GSG1L: variants seen among roughly 807,000 people sequenced by gnomAD.
The protein encoded by GSG1L is GSG1 like.
In GSG1L, 24 loss-of-function variants were observed where a neutral mutation model predicts 42.1. That is an observed-to-expected ratio of 0.57 (90% confidence interval 0.41 to 0.80). The LOEUF is 0.80. Ranked by LOEUF, GSG1L falls within the 30% of genes least tolerant of loss-of-function variation. The pLI is 0.00. For missense variants in GSG1L, 445 were observed against 472.2 expected (o/e 0.94, Z 0.53); for synonymous variants, 215 against 203.5 (o/e 1.06, Z -0.48).
intron 1 of GSG1L, among the ~76,000 whole-genome samples, chr16:28,013,096 T>C (rs140288628): frequency 2.6e-5 from 4 of 151,612 alleles, no homozygotes; most frequent in African/African-American, 9.7e-5. Flanking sequence ...TGGTGGCATA[T>C]GCCTGTAATC....
intron 1 of GSG1L, among the ~76,000 whole-genome samples, chr16:28,048,504 T>G (rs1260109965): frequency 6.6e-6 from 1 of 152,168 alleles, no homozygotes; most frequent in Non-Finnish European, 1.5e-5. Context: ...TCAAGTGATC[T>G]TCCCACCTCA....
chr16:27,982,756 TGAGAGCAGGAGCAA>T, intron 1 of GSG1L, among the ~76,000 whole-genome samples: 1 of 152,088 alleles, frequency 6.6e-6, no homozygotes, highest in East Asian at 1.9e-4. Context: ...TATCACATGG[TGAGAGCAGGAGCAA>T]GAGAGAGGAG....
chr16:28,044,991 A>G (rs1362652691), intron 1 of GSG1L, among the ~76,000 whole-genome samples: 1 of 152,154 alleles, frequency 6.6e-6, no homozygotes, highest in East Asian at 1.9e-4. Flanking sequence ...TTCCAACTCT[A>G]TGACAGTTTT....
chr16:27,973,439 CAAAAAAA>C (rs71140935), intron 1 of GSG1L, among the ~76,000 whole-genome samples: 21 of 29,852 alleles, frequency 7.0e-4, no homozygotes, highest in East Asian at 1.4e-3. Flanking sequence ...GACCCCATCA[CAAAAAAA>C]AAAAAAAAAA....
chr16:27,895,864 G>A (rs1300204970), intron 2 of GSG1L, among the ~76,000 whole-genome samples: 1 of 152,248 alleles, frequency 6.6e-6, no homozygotes, highest in Non-Finnish European at 1.5e-5. Flanking sequence ...AACAGAGCAC[G>A]TGGGGATGTG....
chr16:27,853,552 C>T (rs187399184), intron 3 of GSG1L, among the ~76,000 whole-genome samples: 6 of 152,152 alleles, frequency 3.9e-5, no homozygotes, highest in African/African-American at 1.2e-4. Context: ...TACTGAGGTG[C>T]CCCCCAACCT....
chr16:27,851,487 G>A (rs1409715635), intron 3 of GSG1L, among the ~76,000 whole-genome samples: 1 of 152,136 alleles, frequency 6.6e-6, no homozygotes, highest in Non-Finnish European at 1.5e-5. Flanking sequence ...GAGCCCCTGT[G>A]CCCTGCTGGA....
chr16:27,909,012 A>AGG (rs1306075962), intron 2 of GSG1L, among the ~76,000 whole-genome samples: 1 of 152,074 alleles, frequency 6.6e-6, no homozygotes, highest in African/African-American at 2.4e-5. Flanking sequence ...CCTGGTGCCT[A>AGG]CACTTACCAG....
intron 1 of GSG1L, among the ~76,000 whole-genome samples, chr16:27,992,724 A>G (rs776998615): frequency 4.9e-4 from 75 of 152,266 alleles, no homozygotes; most frequent in Non-Finnish European, 8.8e-4. Flanking sequence ...CCCTTGACAT[A>G]CAATTATCCA....
chr16:27,831,734 C>T (rs2083276766), intron 4 of GSG1L, among the ~76,000 whole-genome samples: 1 of 152,158 alleles, frequency 6.6e-6, no homozygotes, highest in Admixed American at 6.5e-5. Flanking sequence ...TCAGACTGTG[C>T]TAGAAGAAAA....
chr16:27,987,334 T>C (rs949162276), intron 1 of GSG1L, among the ~76,000 whole-genome samples: 2 of 152,198 alleles, frequency 1.3e-5, no homozygotes, highest in Non-Finnish European at 2.9e-5. Context: ...CAGATGGGTT[T>C]AGGCTATCTC....
intron 6 of GSG1L, among the ~76,000 whole-genome samples, chr16:27,792,010 C>T (rs1225676513): frequency 2.0e-5 from 3 of 152,070 alleles, no homozygotes; most frequent in South Asian, 4.2e-4. Context: ...GCCATGCCCC[C>T]ACTCCTGCCA....
At chr16:27,904,624 G>T (rs2084299070) in intron 2 of GSG1L, among the ~76,000 whole-genome samples, 1 of 152,000 alleles carries the variant, frequency 6.6e-6, no homozygotes, top group Non-Finnish European at 1.5e-5. Flanking sequence ...AGGGCCCTAA[G>T]TGACCTGGCC....
intron 3 of GSG1L, among the ~76,000 whole-genome samples, chr16:27,848,714 T>TG (rs571983792): frequency 1.8e-4 from 28 of 151,446 alleles, no homozygotes; most frequent in Non-Finnish European, 2.9e-5. Flanking sequence ...TCCTTGGAGG[T>TG]GGGGGGCACT....
intron 3 of GSG1L, among the ~76,000 whole-genome samples, chr16:27,850,178 C>A (rs2083493956): frequency 1.3e-5 from 2 of 151,624 alleles, no homozygotes; most frequent in Admixed American, 1.3e-4. Flanking sequence ...ACAGGTGCCA[C>A]CACTACACCC....
At chr16:27,805,776 C>T (rs1195929080) in intron 6 of GSG1L, among the ~76,000 whole-genome samples, 2 of 69,686 alleles carry the variant, frequency 2.9e-5, no homozygotes, top group Admixed American at 1.8e-4. Flanking sequence ...GCTGTGGGCA[C>T]TGGGATTGGG....
At chr16:27,842,468 C>T (rs1166966718) in intron 4 of GSG1L, among the ~76,000 whole-genome samples, 1 of 152,204 alleles carries the variant, frequency 6.6e-6, no homozygotes, top group African/African-American at 2.4e-5. Context: ...ATTCATGGCA[C>T]ATCAGCGCTC....
At chr16:27,876,663 A>T (rs1567499858) in intron 3 of GSG1L, among the ~76,000 whole-genome samples, 1 of 152,126 alleles carries the variant, frequency 6.6e-6, no homozygotes, top group Non-Finnish European at 1.5e-5. Flanking sequence ...AGTATAGGCA[A>T]TGGAGTGAAG....
chr16:27,985,093 C>T (rs1320328104), intron 1 of GSG1L, among the ~76,000 whole-genome samples: 2 of 151,948 alleles, frequency 1.3e-5, no homozygotes, highest in Non-Finnish European at 2.9e-5. Context: ...TCTTCCATTT[C>T]CTTCCACTTC....
Sources: gnomAD v4.1 joint callset for allele counts (sites outside exome capture counted in the v4.1 genomes callset) on GRCh38, gnomAD v4.1.1 for gene constraint, MANE v1.5 for transcripts, NCBI Gene and HGNC (gene_info 2026-07-23, HGNC 2026-07-21) for gene names.